The following ZNF729 variants were observed in gnomAD, a reference collection of about 807,000 sequenced individuals.
ZNF729 encodes the protein zinc finger protein 729.
A neutral mutation model predicts 12.2 loss-of-function variants in ZNF729; 15 were observed. The observed-to-expected ratio is 1.23, with a 90% CI of 0.82 to 1.89. ZNF729 has a LOEUF of 1.89. Ranked by LOEUF, ZNF729 falls within the 40% of genes most tolerant of loss-of-function variation. The pLI is 0.00. For missense variants in ZNF729, 1,540 were observed against 1,456.7 expected (o/e 1.06, Z -0.93); for synonymous variants, 492 against 476.3 (o/e 1.03, Z -0.43).
chr19:22,300,868 AC>A (rs1157573553), intron 1 of ZNF729, among the ~76,000 whole-genome samples: 1 of 152,126 alleles, frequency 6.6e-6, no homozygotes, highest in Non-Finnish European at 1.5e-5. Context: ...TGCAGGGAAA[AC>A]CTGCTGCTAT....
At chr19:22,310,230 C>A (rs1323023241) in intron 3 of ZNF729, among the ~76,000 whole-genome samples, 1 of 151,982 alleles carries the variant, frequency 6.6e-6, no homozygotes, top group Non-Finnish European at 1.5e-5. Flanking sequence ...GCTAAGACTT[C>A]TAGTACTGTG....
At chr19:22,302,727 T>A (rs76435803) in intron 1 of ZNF729, among the ~76,000 whole-genome samples, 125 of 150,140 alleles carry the variant, frequency 8.3e-4, no homozygotes, top group Non-Finnish European at 1.4e-3. Context: ...TTAGATCCAC[T>A]GTTTTTGGAG....
At chr19:22,286,664 C>T in intron 1 of ZNF729, 109 bp downstream of exon 1, 1 of 1,380,338 alleles carries the variant, frequency 7.2e-7, no homozygotes. Flanking sequence ...CCACAATCTG[C>T]GCCTGGAGTT....
At chr19:22,288,486 A>G (rs1968110630) in intron 1 of ZNF729, among the ~76,000 whole-genome samples, 1 of 152,052 alleles carries the variant, frequency 6.6e-6, no homozygotes, top group South Asian at 2.1e-4. Context: ...CCCCATGGCT[A>G]TGTCTGCTAG....
At chr19:22,294,657 C>CTTTTTTTTTTTTTT (rs71180535) in intron 1 of ZNF729, among the ~76,000 whole-genome samples, 8 of 92,438 alleles carry the variant, frequency 8.7e-5, no homozygotes, top group African/African-American at 1.2e-4. Flanking sequence ...TTTTCTTTTT[C>CTTTTTTTTTTTTTT]TTTTTTTTTT....
chr19:22,293,245 G>A (rs1381687912), intron 1 of ZNF729, among the ~76,000 whole-genome samples: 3 of 152,116 alleles, frequency 2.0e-5, no homozygotes, highest in Admixed American at 2.0e-4. Flanking sequence ...AAGTGCAGTG[G>A]CATAATCTCA....
intron 1 of ZNF729, among the ~76,000 whole-genome samples, chr19:22,297,223 G>A (rs74586061): frequency 0.031 from 4,738 of 151,224 alleles, 236 homozygotes; most frequent in African/African-American, 0.11. Flanking sequence ...CTCTTCTTAG[G>A]TCTCTAAGAA....
In ZNF729 at chr19:22,315,008, C is replaced by G. The variant is rs1365659125; in HGVS notation, c.1591C>G (p.Leu531Val). The G allele has an allele frequency of 8.7e-6, 14 of 1,611,606 alleles. No homozygotes were observed. Among genetic ancestry groups the G allele is most frequent in the Admixed American group, 8.3e-5 (5 of 59,962 alleles). Residue 531 changes from leucine to valine, a missense_variant, in exon 4 of 4, where the codon CTT (leucine) becomes GTT (valine). Leu to Val is a conservative substitution (Grantham distance 32). Transcript: ENST00000601693. ...GAAAGCTTTTAGCCAGTCCTCAACC[C>G]TTAGAAACCATCAGATAATTCATAC... Reference protein sequence around the residue: ...CGKAFSQSSTLRNHQIIHTGE... With the variant: ...CGKAFSQSSTVRNHQIIHTGE...
chr19:22,307,800 G>GT, intron 3 of ZNF729, among the ~76,000 whole-genome samples: 1,395 of 53,248 alleles, frequency 0.026, 24 homozygotes, highest in Non-Finnish European at 0.034. Flanking sequence ...AAAGCTCTGT[G>GT]TTTTTTTTTT....
chr19:22,292,404 T>G (rs536008742), intron 1 of ZNF729, among the ~76,000 whole-genome samples: 3 of 152,318 alleles, frequency 2.0e-5, no homozygotes, highest in Non-Finnish European at 4.4e-5. Context: ...TATTCCATGA[T>G]GTTTATGTAC....
Position 22,314,074 on chromosome 19 carries a change from G to C in ZNF729, c.657G>C (p.Ser219=). 1 of 1,544,622 alleles carries C rather than the reference G, an allele frequency of 6.5e-7. No homozygotes were observed. The change falls in exon 4 of 4, where the codon TCG becomes TCC. Residue 219 remains serine, a synonymous_variant. Coordinates refer to ENST00000601693, the MANE Select transcript of ZNF729 (RefSeq NM_001242680.2). ...KCEERGKAFK[S]FSTLTKHKII... is the part of the protein sequence containing the mutation. ...AAGAACGTGGCAAAGCCTTTAAATC[G>C]TTCTCAACCCTTACTAAACATAAGA...
intron 1 of ZNF729, among the ~76,000 whole-genome samples, chr19:22,287,007 G>T (rs1159887247): frequency 6.6e-6 from 1 of 152,180 alleles, no homozygotes; most frequent in Non-Finnish European, 1.5e-5. Flanking sequence ...TTCAAAAATT[G>T]TAGAGCACCC....
chr19:22,307,502 G>T (rs111753251), intron 3 of ZNF729, among the ~76,000 whole-genome samples: 6,111 of 150,678 alleles, frequency 0.041, 157 homozygotes, highest in African/African-American at 0.069. Flanking sequence ...CCAGCACTTC[G>T]GGAGGCCAAG....
At chr19:22,304,815 G>C in intron 3 of ZNF729, 32 bp downstream of exon 3, 1 of 1,603,062 alleles carries the variant, frequency 6.2e-7, no homozygotes, top group Middle Eastern at 1.7e-4. Flanking sequence ...AGACAACACA[G>C]ATAAGAGGTC....
rs1329277492 is a variant in ZNF729, at chr19:22,316,084, T to A, written c.2667T>A (p.Phe889Leu). 1 of 1,610,382 alleles carries A rather than the reference T, an allele frequency of 6.2e-7. No individual in the cohort carries two copies. The highest frequency in any genetic ancestry group is 8.5e-7 in the Non-Finnish European group (1 of 1,179,514). ...AATGTGAAGAATGTGGTAAAGCTTTTAAGTGGTTGTCAAAACTTACTGTAC... is the reference window on the plus strand; with the variant it reads ...AATGTGAAGAATGTGGTAAAGCTTTAAAGTGGTTGTCAAAACTTACTGTAC... ...PYKCEECGKA[F>L]KWLSKLTVHK... Residue 889 changes from phenylalanine (F) to leucine (L), a missense_variant, in exon 4 of 4, where the codon TTT (phenylalanine) becomes TTA (leucine). By Grantham distance (22) the Phe-to-Leu change is conservative. Transcript: ENST00000601693.
chr19:22,309,754 C>G (rs112147518), intron 3 of ZNF729, among the ~76,000 whole-genome samples: 3,769 of 151,326 alleles, frequency 0.025, 149 homozygotes, highest in African/African-American at 0.087. Flanking sequence ...AATGATGATG[C>G]TGTTTTGATG....
chr19:22,296,213 T>C (rs1968228709), intron 1 of ZNF729, among the ~76,000 whole-genome samples: 1 of 152,212 alleles, frequency 6.6e-6, no homozygotes, highest in African/African-American at 2.4e-5. Flanking sequence ...AGGCCCTTCG[T>C]TTTACGTCTG....
At chr19:22,293,266 A>G (rs1466284285) in intron 1 of ZNF729, among the ~76,000 whole-genome samples, 4 of 152,074 alleles carry the variant, frequency 2.6e-5, no homozygotes, top group Non-Finnish European at 5.9e-5. Flanking sequence ...GCAAACGGCA[A>G]TCTTCACCTC....
rs1358604487 is a variant in ZNF729 at position 22,314,088 on chromosome 19, C to A, written c.671C>A (p.Thr224Asn). Reference protein sequence around the residue: ...GKAFKSFSTLTKHKIIHTEDK... With the variant: ...GKAFKSFSTLNKHKIIHTEDK... ...GCCTTTAAATCGTTCTCAACCCTTA[C>A]TAAACATAAGATAATTCATACTGAA... Residue 224 changes from threonine (T) to asparagine (N), a missense_variant, in exon 4 of 4, where the codon ACT becomes AAT. Thr to Asn is a moderately conservative substitution (Grantham distance 65, BLOSUM62 0). Coordinates refer to ENST00000601693, the MANE Select transcript of ZNF729 (RefSeq NM_001242680.2). 6.5e-7 allele frequency: 1 copy of A among 1,546,054 alleles called. No individual in the cohort carries two copies. The highest frequency in any genetic ancestry group is 2.0e-5 in the Admixed American group (1 of 50,328).
Sources: allele counts gnomAD v4.1 joint callset (sites outside exome capture counted in the v4.1 genomes callset), GRCh38; gene constraint gnomAD v4.1.1; transcripts MANE v1.5; gene names NCBI Gene and HGNC (gene_info 2026-07-23, HGNC 2026-07-21).